Variants in GRK4 observed in about 807,000 individuals in gnomAD.
GRK4 encodes the protein G protein-coupled receptor kinase 4.
Under a neutral mutation model 77.9 loss-of-function variants are expected in GRK4, and 73 were observed. The ratio of observed to expected loss-of-function variants is 0.94; its 90% confidence interval spans 0.78 to 1.14. The LOEUF (loss-of-function observed/expected upper bound fraction) is 1.14. GRK4 is among the 50% of genes most tolerant of loss of function. The pLI is 0.00. For synonymous variants in GRK4, 257 were observed against 254.4 expected (o/e 1.01, Z -0.10); for missense variants, 729 against 700.2 (o/e 1.04, Z -0.46).
At chr4:2,996,269 C>T (rs1489334367) in intron 4 of GRK4, among the ~76,000 whole-genome samples, 1 of 152,066 alleles carries the variant, frequency 6.6e-6, no homozygotes, top group Admixed American at 6.6e-5. Flanking sequence ...TTAAATGCCT[C>T]TTAGGCCGGG....
chr4:3,003,331 A>T (rs952351960), intron 4 of GRK4, among the ~76,000 whole-genome samples: 1 of 151,968 alleles, frequency 6.6e-6, no homozygotes, highest in African/African-American at 2.4e-5. Context: ...CTAGGATTAC[A>T]GGTGCCTGCC....
At chr4:3,037,901 C>T (rs985489452) in intron 14 of GRK4, among the ~76,000 whole-genome samples, 12 of 146,610 alleles carry the variant, frequency 8.2e-5, no homozygotes, top group African/African-American at 3.1e-4. Context: ...GGCGACAGAA[C>T]GAGACTTCGT....
rs747778307 is a variant in GRK4, at chr4:3,007,871, C to T, written c.536+43C>T. The T allele has an allele frequency of 5.2e-6, 7 of 1,341,094 alleles. No individual in the cohort carries two copies. The South Asian group carries it at 8.6e-5, about 16-fold the overall frequency. The allele number at this position is 1,341,094 out of a possible 1,614,324, so 83.1% of individuals were successfully genotyped here. ...ACTTGATAAAAGCCAATTGAGGTGG[C>T]ACATGCCTGTAGTCCCAGCTACTCA... is the stretch of plus-strand genomic sequence containing the variant. On this transcript the variant is annotated intron_variant, in intron 6 of 15. Transcript: ENST00000398052.
intron 5 of GRK4, among the ~76,000 whole-genome samples, chr4:3,004,757 G>A (rs1466946182): frequency 6.6e-6 from 1 of 151,986 alleles, no homozygotes; most frequent in East Asian, 1.9e-4. Flanking sequence ...TCTGCACGTT[G>A]AGGAGGCTGA....
Position 2,984,511 on chromosome 4 carries a change from A to G in GRK4, c.53-2A>G. The G allele has an allele frequency of 1.3e-6, 2 of 1,597,022 alleles. No individual in the cohort carries two copies. Among genetic ancestry groups the G allele is most frequent in the South Asian group, 1.1e-5 (1 of 90,092 alleles). ...AAATTGCCTTTTTTCTCCCAAATTC[A>G]GGAGGATATGGCAAAAAAAGTGGTC... is the stretch of plus-strand genomic sequence containing the variant. On this transcript the variant is annotated splice_acceptor_variant, in intron 1 of 15. Coordinates refer to ENST00000398052, the MANE Select transcript of GRK4 (RefSeq NM_182982.3). LOFTEE classifies it high-confidence loss of function.
At position 3,007,813 on chromosome 4, in the gene GRK4, G is replaced by A; in HGVS notation, c.521G>A (p.Trp174Ter). The A allele has an allele frequency of 6.2e-7, 1 of 1,609,490 alleles. No individual in the cohort carries two copies. Residue 174 changes from tryptophan (W) to a stop codon, truncating the protein, a stop_gained, in exon 6 of 16, where the codon TGG (tryptophan) becomes TAG (stop). Transcript: ENST00000398052. LOFTEE classifies it high-confidence loss of function. ...TCATATTTTTCTCAGTTTTTACAAT[G>A]GAAATGGCTGGAAAGGTATGTACTG... is the stretch of plus-strand genomic sequence containing the variant. ...ESSYFSQFLQ[W>*]KWLERQPVTK...
At chr4:3,002,090 A>G (rs972671660) in intron 4 of GRK4, among the ~76,000 whole-genome samples, 4 of 152,138 alleles carry the variant, frequency 2.6e-5, no homozygotes, top group African/African-American at 9.7e-5. Flanking sequence ...CACAATAAAT[A>G]TGAAGTTTAA....
intron 1 of GRK4, among the ~76,000 whole-genome samples, chr4:2,977,042 G>A (rs759698283): frequency 1.6e-4 from 25 of 152,188 alleles, no homozygotes; most frequent in Non-Finnish European, 3.5e-4. Flanking sequence ...TTGCTGCACA[G>A]AGCTGAGTTT....
At chr4:2,976,631 C>CTTTTTTTTTTTTTTTTTT (rs769469513) in intron 1 of GRK4, among the ~76,000 whole-genome samples, 2 of 117,334 alleles carry the variant, frequency 1.7e-5, no homozygotes, top group Non-Finnish European at 3.6e-5. Flanking sequence ...TTCTTTCTTT[C>CTTTTTTTTTTTTTTTTTT]TTTTTTTTTT....
rs1214018104 is a variant in GRK4, at chr4:3,009,692, G to A, written c.581G>A (p.Gly194Glu). 1.9e-6 allele frequency: 3 copies of A among 1,613,936 alleles called. No individual in the cohort carries two copies. The highest frequency in any genetic ancestry group is 2.5e-6 in the Non-Finnish European group (3 of 1,179,852). ...KNTFRHYRVL[G>E]KGGFGEVCAC... ...ACATTTAGACATTACAGAGTTCTAG[G>A]AAAAGGCGGATTTGGAGAGGTGAGT... Residue 194 changes from glycine to glutamate, a missense_variant, in exon 7 of 16, where the codon GGA becomes GAA. Coordinates refer to ENST00000398052, the MANE Select transcript of GRK4 (RefSeq NM_182982.3).
At chr4:3,028,096 C>T (rs978519213) in intron 11 of GRK4, 95 bp downstream of exon 11, 19 of 1,031,118 alleles carry the variant, frequency 1.8e-5, no homozygotes, top group African/African-American at 7.9e-5. Flanking sequence ...ACCGGGGCCT[C>T]GGTTTGGACA....
chr4:2,980,054 C>T (rs1334735472), intron 1 of GRK4, among the ~76,000 whole-genome samples: 2 of 152,196 alleles, frequency 1.3e-5, no homozygotes, highest in Admixed American at 6.5e-5. Context: ...CTTCTTTGTG[C>T]CTTCCCAGCT....
intron 15 of GRK4, among the ~76,000 whole-genome samples, chr4:3,039,555 G>A (rs557798946): frequency 9.9e-5 from 15 of 151,958 alleles, no homozygotes; most frequent in East Asian, 1.9e-4. Context: ...AAAATTAGCC[G>A]GTCATGGTGG....
At chr4:3,018,663 A>G (rs1214731935) in intron 8 of GRK4, among the ~76,000 whole-genome samples, 1 of 152,184 alleles carries the variant, frequency 6.6e-6, no homozygotes, top group African/African-American at 2.4e-5. Flanking sequence ...GGATCACTTG[A>G]GGTCAGGAGT....
Position 2,965,463 on chromosome 4 carries a change from C to T in GRK4, c.52+1341C>T, listed in dbSNP as rs553499536. ...ATTGCTGATTTCCTCTATTTCCTTG[C>T]GTGATGGAGCAGCTCTGCTCGGACT... On this transcript the variant is annotated intron_variant, in intron 1 of 15. Coordinates refer to ENST00000398052, the MANE Select transcript of GRK4 (RefSeq NM_182982.3). The T allele has an allele frequency of 3.4e-4, 241 of 703,022 alleles. 1 individual carries two copies. The highest frequency in any genetic ancestry group is 3.3e-3 in the South Asian group (223 of 67,590). The allele number at this position is 703,022 out of a possible 1,614,324, so 43.5% of individuals were successfully genotyped here. A position where few individuals can be genotyped will look rare whatever the true frequency, so the allele number is the denominator to read the frequency against.
intron 5 of GRK4, among the ~76,000 whole-genome samples, chr4:3,005,212 T>C (rs1730944964): frequency 6.6e-6 from 1 of 151,936 alleles, no homozygotes; most frequent in Non-Finnish European, 1.5e-5. Context: ...CTGCAGTGCC[T>C]TGTGTATGCA....
In GRK4 at chr4:3,001,073, C is replaced by CTA. The variant is rs368506630; in HGVS notation, c.340-3142_340-3141dup. ...GTGGTGGTTGTAGGGCTAAATGAGA[C>CTA]TATATATATATATATATGTGTGTGT... On this transcript the variant is annotated intron_variant, in intron 4 of 15. Coordinates refer to ENST00000398052, the MANE Select transcript of GRK4 (RefSeq NM_182982.3). Among the ~76,000 whole-genome samples, 498 of 76,112 alleles carry CTA rather than the reference C, an allele frequency of 6.5e-3. 39 individuals are homozygous for CTA. The highest frequency in any genetic ancestry group is 0.022 in the Middle Eastern group (3 of 136). The allele number at this position is 76,112 out of a possible 152,430, so 49.9% of individuals were successfully genotyped here.
intron 2 of GRK4, among the ~76,000 whole-genome samples, chr4:2,987,425 A>G (rs1724738728): frequency 6.6e-6 from 1 of 152,222 alleles, no homozygotes; most frequent in Non-Finnish European, 1.5e-5. Context: ...TTAAAAAATG[A>G]TGATAAAATA....
At chr4:3,031,986 G>A (rs1466083450) in intron 12 of GRK4, among the ~76,000 whole-genome samples, 1 of 152,118 alleles carries the variant, frequency 6.6e-6, no homozygotes, top group Non-Finnish European at 1.5e-5. Context: ...GGTGCTACAG[G>A]CTCGTCCTGG....
Sources: allele counts gnomAD v4.1 joint callset (sites outside exome capture counted in the v4.1 genomes callset), GRCh38; gene constraint gnomAD v4.1.1; transcripts MANE v1.5; gene names NCBI Gene and HGNC (gene_info 2026-07-23, HGNC 2026-07-21).